Variants in ERBB4 observed in about 807,000 individuals in gnomAD.
The protein encoded by ERBB4 is erb-b2 receptor tyrosine kinase 4.
In ERBB4, 42 loss-of-function variants were observed where a neutral mutation model predicts 158.0. The observed-to-expected ratio is 0.27, with a 90% CI of 0.21 to 0.34. ERBB4 has a LOEUF of 0.34. Among genes scored for constraint, ERBB4 ranks in the 10% least tolerant of loss-of-function variants. The probability of loss-of-function intolerance (pLI) is 1.00; values close to 1 mark genes in which losing one functional copy is unlikely to be tolerated. For missense variants in ERBB4, 1,333 were observed against 1,624.1 expected, an observed-to-expected ratio of 0.82 and a Z score of 3.08; for synonymous variants, 583 against 558.7, an observed-to-expected ratio of 1.04 and a Z score of -0.61.
At chr2:211,623,090 A>G (rs2069698013) in intron 18 of ERBB4, among the ~76,000 whole-genome samples, 1 of 135,678 alleles carries the variant, frequency 7.4e-6, no homozygotes, top group African/African-American at 2.7e-5. Flanking sequence ...GGATATTACA[A>G]GAATAATTCA....
intron 20 of ERBB4, among the ~76,000 whole-genome samples, chr2:211,435,520 C>A (rs975940589): frequency 3.3e-5 from 5 of 152,276 alleles, no homozygotes; most frequent in African/African-American, 1.2e-4. Flanking sequence ...TGGTCTGTGG[C>A]CTGTTTGTTA....
chr2:212,538,330 GC>G, intron 1 of ERBB4, 118 bp downstream of exon 1: 1 of 858,372 alleles, frequency 1.2e-6, no homozygotes, highest in Non-Finnish European at 2.0e-6. Flanking sequence ...CAGGGAAGAG[GC>G]CCCGGTCAAG....
At chr2:212,344,489 T>TGTGTGTGTGTATATGTGTGTGC (rs2088884142) in intron 1 of ERBB4, among the ~76,000 whole-genome samples, 1 of 152,072 alleles carries the variant, frequency 6.6e-6, no homozygotes, top group East Asian at 1.9e-4. Flanking sequence ...TGTGTGTGTG[T>TGTGTGTGTGTATATGTGTGTGC]GTGTGTGTAT....
chr2:212,344,476 ATGTG>A (rs58499972), intron 1 of ERBB4, among the ~76,000 whole-genome samples: 2,221 of 121,488 alleles, frequency 0.018, 49 homozygotes, highest in African/African-American at 0.062. Context: ...GTGTGTATAT[ATGTG>A]TGTGTGTGTG....
intron 1 of ERBB4, among the ~76,000 whole-genome samples, chr2:212,194,295 C>T (rs1031221847): frequency 2.0e-5 from 3 of 147,242 alleles, no homozygotes; most frequent in African/African-American, 7.8e-5. Context: ...AGTTTATACA[C>T]ACACACACAC....
chr2:211,692,768 C>T (rs550766243), intron 12 of ERBB4, among the ~76,000 whole-genome samples: 1 of 152,240 alleles, frequency 6.6e-6, no homozygotes, highest in East Asian at 1.9e-4. Context: ...AGATCTATAA[C>T]ATCTGCTACG....
chr2:211,963,465 A>C (rs2125180742), intron 2 of ERBB4, among the ~76,000 whole-genome samples: 1 of 152,266 alleles, frequency 6.6e-6, no homozygotes, highest in East Asian at 1.9e-4. Flanking sequence ...AATCCATAAA[A>C]TATGTATACA....
chr2:211,972,427 T>C (rs1424191522), intron 2 of ERBB4, among the ~76,000 whole-genome samples: 1 of 152,064 alleles, frequency 6.6e-6, no homozygotes, highest in Non-Finnish European at 1.5e-5. Context: ...TGGAACCAAA[T>C]AAGACCTGCA....
At chr2:211,928,509 T>C (rs193264677) in intron 3 of ERBB4, among the ~76,000 whole-genome samples, 8 of 152,286 alleles carry the variant, frequency 5.3e-5, no homozygotes, top group African/African-American at 1.7e-4. Context: ...TAAACTCTCC[T>C]GTAGAAATCT....
rs144162007 is a variant in ERBB4 at position 212,080,422 on chromosome 2, T to A, written c.234+44330A>T. 9.8e-3 allele frequency among the ~76,000 whole-genome samples: 1,480 copies of A among 151,436 alleles called. 8 individuals carry two copies. The highest frequency in any genetic ancestry group is 0.02 in the Middle Eastern group (6 of 294). On this transcript the variant is annotated intron_variant, in intron 2 of 27. Transcript: ENST00000342788. ...AAAATGATACAGTTGAGGGGGAGAA[T>A]TAATAAATCTTTAAGGCTAAGGTAT...
chr2:212,458,227 T>A (rs1326433608), intron 1 of ERBB4, among the ~76,000 whole-genome samples: 1 of 152,082 alleles, frequency 6.6e-6, no homozygotes, highest in Non-Finnish European at 1.5e-5. Context: ...AAAACTGTAA[T>A]ATCTTTTGAA....
intron 25 of ERBB4, among the ~76,000 whole-genome samples, chr2:211,398,960 G>T (rs760212459): frequency 8.5e-5 from 13 of 152,108 alleles, no homozygotes; most frequent in Admixed American, 3.3e-4. Context: ...CTCTTTCTTT[G>T]CTCTTTCCTC....
chr2:211,985,649 G>A (rs917339732), intron 2 of ERBB4, among the ~76,000 whole-genome samples: 1 of 151,832 alleles, frequency 6.6e-6, no homozygotes, highest in Non-Finnish European at 1.5e-5. Flanking sequence ...GTATTAGAAG[G>A]ATGAAAGGGG....
At chr2:212,337,575 T>G (rs2088502719) in intron 1 of ERBB4, among the ~76,000 whole-genome samples, 1 of 152,108 alleles carries the variant, frequency 6.6e-6, no homozygotes, top group Non-Finnish European at 1.5e-5. Context: ...CTTATTAAAA[T>G]TGCTCATTCC....
At chr2:211,944,116 A>G in intron 3 of ERBB4, among the ~76,000 whole-genome samples, 4 of 143,328 alleles carry the variant, frequency 2.8e-5, no homozygotes, top group African/African-American at 1.0e-4. Context: ...CACTATATAT[A>G]TATACACACT....
intron 2 of ERBB4, among the ~76,000 whole-genome samples, chr2:211,966,537 G>C (rs1236461488): frequency 2.0e-5 from 3 of 152,106 alleles, no homozygotes; most frequent in African/African-American, 7.2e-5. Flanking sequence ...ACTGCACCCG[G>C]ACTTAAATTT....
intron 1 of ERBB4, among the ~76,000 whole-genome samples, chr2:212,281,170 C>T (rs1027773730): frequency 6.6e-6 from 1 of 151,594 alleles, no homozygotes; most frequent in African/African-American, 2.4e-5. Flanking sequence ...TCTCAATTTG[C>T]TCTTCTATTA....
At chr2:211,413,302 T>C (rs1309712580) in intron 25 of ERBB4, among the ~76,000 whole-genome samples, 3 of 45,946 alleles carry the variant, frequency 6.5e-5, no homozygotes, top group African/African-American at 2.5e-4. Flanking sequence ...AGAGACCCTG[T>C]CTTAAAAACA....
chr2:211,381,401 T>G lies in ERBB4; in HGVS notation c.*2214A>C. 4.3e-6 allele frequency: 1 copy of G among 232,200 alleles called. No homozygotes were observed. Among genetic ancestry groups the G allele is most frequent in the Non-Finnish European group, 8.5e-6 (1 of 117,410 alleles). 14.4% of individuals were successfully genotyped at this position (232,200 alleles called of 1,614,324 possible). A position where few individuals can be genotyped will look rare whatever the true frequency, so the allele number is the denominator to read the frequency against. The stretch of plus-strand genomic sequence containing the variant: ...ATAATATTATTGAAATTATCCTGTT[T>G]GTCAACATCAACAATTTGAAGGATG... On this transcript the variant is annotated 3_prime_UTR_variant, in exon 28 of 28. Transcript: ENST00000342788.
Sources: gnomAD v4.1 joint callset for allele counts (sites outside exome capture counted in the v4.1 genomes callset) on GRCh38, gnomAD v4.1.1 for gene constraint, MANE v1.5 for transcripts, NCBI Gene and HGNC (gene_info 2026-07-23, HGNC 2026-07-21) for gene names.